Variants in HNF1B observed in about 807,000 individuals in gnomAD.
The protein encoded by HNF1B is hepatocyte nuclear factor 1-beta.
A neutral mutation model predicts 61.7 loss-of-function variants in HNF1B; 8 were observed. The observed-to-expected ratio is 0.13, with a 90% CI of 0.08 to 0.23. HNF1B has a LOEUF of 0.23. Ranked by LOEUF, HNF1B falls within the 10% of genes least tolerant of loss-of-function variation. HNF1B has a pLI of 1.00. For missense variants in HNF1B, 562 were observed against 714.5 expected, an observed-to-expected ratio of 0.79 and a Z score of 2.43; for synonymous variants, 314 against 287.7, an observed-to-expected ratio of 1.09 and a Z score of -0.93.
At chr17:37,708,547 G>C (rs969189498) in intron 5 of HNF1B, among the ~76,000 whole-genome samples, 1 of 152,180 alleles carries the variant, frequency 6.6e-6, no homozygotes, top group South Asian at 2.1e-4. Context: ...CAAGCAGTAA[G>C]AGCTGAGACC....
At chr17:37,725,974 C>G (rs1469232408) in intron 4 of HNF1B, among the ~76,000 whole-genome samples, 2 of 152,212 alleles carry the variant, frequency 1.3e-5, no homozygotes, top group Non-Finnish European at 2.9e-5. Context: ...GGGCAGGGCA[C>G]AGAATCCACC....
chr17:37,731,968 G>GCT (rs1310894477), intron 3 of HNF1B, 138 bp from the exon 4 acceptor site: 5 of 642,910 alleles, frequency 7.8e-6, no homozygotes, highest in African/African-American at 1.8e-5. Context: ...CTGGGGAGGA[G>GCT]AGGCCTATGC....
At chr17:37,724,685 T>C (rs1468226359) in intron 4 of HNF1B, among the ~76,000 whole-genome samples, 1 of 152,340 alleles carries the variant, frequency 6.6e-6, no homozygotes, top group East Asian at 1.9e-4. Context: ...ATGTCTATGG[T>C]CTATGGCTGC....
chr17:37,739,849 T>C (rs11651755), intron 1 of HNF1B, among the ~76,000 whole-genome samples: 78,877 of 151,966 alleles, frequency 0.52, 21,597 homozygotes, highest in African/African-American at 0.67. Flanking sequence ...CCCTTTCTTC[T>C]GAGGTTAGTG....
At chr17:37,713,469 C>T (rs546801611) in intron 4 of HNF1B, among the ~76,000 whole-genome samples, 74 of 152,332 alleles carry the variant, frequency 4.9e-4, no homozygotes, top group Admixed American at 7.8e-4. Flanking sequence ...TATTCCAAGG[C>T]TGCTGTGGTT....
At chr17:37,715,276 C>A (rs1038146585) in intron 4 of HNF1B, among the ~76,000 whole-genome samples, 3 of 152,094 alleles carry the variant, frequency 2.0e-5, no homozygotes, top group Non-Finnish European at 2.9e-5. Flanking sequence ...ATCCTTATAG[C>A]CTAGCAGACT....
At chr17:37,704,849 C>A in intron 6 of HNF1B, 68 bp downstream of exon 6, 1 of 1,567,804 alleles carries the variant, frequency 6.4e-7, no homozygotes, top group Non-Finnish European at 8.8e-7. Flanking sequence ...TTATTTTTCA[C>A]CACATTAATT....
chr17:37,736,603 C>T (rs927540645), intron 2 of HNF1B, among the ~76,000 whole-genome samples: 1 of 152,174 alleles, frequency 6.6e-6, no homozygotes, highest in Admixed American at 6.5e-5. Context: ...ACCCAAGCCA[C>T]GTACCCCGCA....
chr17:37,709,000 G>A (rs770065322), intron 5 of HNF1B, among the ~76,000 whole-genome samples: 1 of 152,044 alleles, frequency 6.6e-6, no homozygotes, highest in Non-Finnish European at 1.5e-5. Flanking sequence ...GCACCCTGTT[G>A]CCCTCACCCA....
chr17:37,691,595 G>A (rs1036948319), intron 8 of HNF1B, among the ~76,000 whole-genome samples: 17 of 152,134 alleles, frequency 1.1e-4, no homozygotes, highest in Admixed American at 3.9e-4. Flanking sequence ...TGGGACATGC[G>A]CTGAGTGAAG....
intron 4 of HNF1B, chr17:37,731,233 G>A (rs908236752): frequency 3.4e-5 from 14 of 406,212 alleles, no homozygotes; most frequent in African/African-American, 1.2e-4. Context: ...GGGTTGCCAC[G>A]CCATCACGAC....
At chr17:37,720,372 T>C (rs1031043282) in intron 4 of HNF1B, among the ~76,000 whole-genome samples, 3 of 152,222 alleles carry the variant, frequency 2.0e-5, no homozygotes, top group Admixed American at 6.5e-5. Flanking sequence ...GAGAAACTCA[T>C]GATACGTTCT....
rs969668292 is a variant in HNF1B, at chr17:37,705,116, G to T, written c.1207-67C>A. ...GACCACAAAGAGCAGTTTCCAACAC[G>T]ATGTGACTTAGCGATTCCTTGGCAT... On this transcript the variant is annotated intron_variant, in intron 5 of 8. Transcript: ENST00000617811. The T allele has an allele frequency of 2.0e-5, 30 of 1,496,792 alleles. No individual in the cohort carries two copies. In the African/African-American group the frequency reaches 3.6e-4, roughly 18 times the overall value. The allele number at this position is 1,496,792 out of a possible 1,614,324, so 92.7% of individuals were successfully genotyped here.
chr17:37,706,879 A>G (rs924445719), intron 5 of HNF1B, among the ~76,000 whole-genome samples: 8 of 152,144 alleles, frequency 5.3e-5, no homozygotes, highest in Admixed American at 2.6e-4. Flanking sequence ...GCTTTCACTG[A>G]TTGTCCTTAA....
At chr17:37,740,401 T>C (rs1385157220) in intron 1 of HNF1B, among the ~76,000 whole-genome samples, 1 of 152,190 alleles carries the variant, frequency 6.6e-6, no homozygotes, top group East Asian at 1.9e-4. Flanking sequence ...ATAGCATCAG[T>C]TTCTGAATTT....
intron 4 of HNF1B, among the ~76,000 whole-genome samples, chr17:37,712,669 G>T (rs1477789309): frequency 6.6e-6 from 1 of 152,172 alleles, no homozygotes; most frequent in Admixed American, 6.5e-5. Context: ...ACCAACTCAG[G>T]TTCAAATTCT....
At chr17:37,710,783 CT>C (rs1407587213) in intron 4 of HNF1B, 120 bp from the exon 5 acceptor site, 3 of 907,170 alleles carry the variant, frequency 3.3e-6, no homozygotes, top group African/African-American at 3.3e-5. Context: ...TTCTCCTCCC[CT>C]GTCCACCCAC....
intron 3 of HNF1B, 113 bp downstream of exon 3, chr17:37,733,444 G>T: frequency 8.1e-7 from 1 of 1,241,746 alleles, no homozygotes; most frequent in Non-Finnish European, 1.2e-6. Flanking sequence ...GAGAAGCTCT[G>T]ATTTAGCCAC....
At chr17:37,726,848 T>G (rs2033515377) in intron 4 of HNF1B, among the ~76,000 whole-genome samples, 1 of 152,176 alleles carries the variant, frequency 6.6e-6, no homozygotes, top group Admixed American at 6.5e-5. Flanking sequence ...CTTCTCTTTT[T>G]CTTTGTGCCT....
Sources: gnomAD v4.1 joint callset for allele counts (sites outside exome capture counted in the v4.1 genomes callset) on GRCh38, gnomAD v4.1.1 for gene constraint, MANE v1.5 for transcripts, NCBI Gene and HGNC (gene_info 2026-07-23, HGNC 2026-07-21) for gene names.